The following TSPAN9 variants were observed in gnomAD, a reference collection of about 807,000 sequenced individuals.
TSPAN9 encodes tetraspanin-9.
TSPAN9 carries 16 observed loss-of-function variants against 31.0 expected under a neutral mutation model. That is an observed-to-expected ratio of 0.52 (90% CI 0.35 to 0.78). The LOEUF (loss-of-function observed/expected upper bound fraction) is 0.78, where lower values mean the gene tolerates loss of function less well. TSPAN9 is among the 30% of genes least tolerant of loss of function. The pLI, the probability that TSPAN9 is intolerant of heterozygous loss-of-function variation, is 0.01. For missense variants in TSPAN9, 272 were observed against 312.5 expected, an observed-to-expected ratio of 0.87 and a Z score of 0.98; for synonymous variants, 145 against 121.6, an observed-to-expected ratio of 1.19 and a Z score of -1.27.
intron 2 of TSPAN9, among the ~76,000 whole-genome samples, chr12:3,086,237 G>T (rs2098300373): frequency 6.6e-6 from 1 of 152,194 alleles, no homozygotes; most frequent in Non-Finnish European, 1.5e-5. Context: ...CTTCAGAATG[G>T]GAAGGAGATA....
At chr12:3,138,611 C>T (rs888482518) in intron 2 of TSPAN9, among the ~76,000 whole-genome samples, 12 of 149,946 alleles carry the variant, frequency 8.0e-5, no homozygotes, top group Non-Finnish European at 1.2e-4. Flanking sequence ...ACTATAGGCA[C>T]GTGCCACCAT....
chr12:3,088,919 A>G (rs2098302251), intron 2 of TSPAN9, among the ~76,000 whole-genome samples: 1 of 151,998 alleles, frequency 6.6e-6, no homozygotes, highest in Admixed American at 6.5e-5. Context: ...GTCTTTGAAC[A>G]GTGGAATGAC....
intron 2 of TSPAN9, among the ~76,000 whole-genome samples, chr12:3,109,303 AGAGAGTGT>A (rs1447606674): frequency 3.1e-5 from 1 of 32,316 alleles, no homozygotes; most frequent in Admixed American, 3.3e-4. Context: ...TGTGTGTGAG[AGAGAGTGT>A]GTGTGTGTGT....
At chr12:3,097,811 C>T (rs1393603350) in intron 2 of TSPAN9, among the ~76,000 whole-genome samples, 1 of 152,256 alleles carries the variant, frequency 6.6e-6, no homozygotes, top group Non-Finnish European at 1.5e-5. Flanking sequence ...CCTTCTCCCA[C>T]ATCAGGCTAG....
At chr12:3,092,032 G>T (rs985084307) in intron 2 of TSPAN9, among the ~76,000 whole-genome samples, 6 of 152,218 alleles carry the variant, frequency 3.9e-5, no homozygotes, top group Non-Finnish European at 2.9e-5. Flanking sequence ...ATGCAATGCT[G>T]ACTGTGCAAA....
chr12:3,133,806 C>T (rs919079250), intron 2 of TSPAN9, among the ~76,000 whole-genome samples: 13 of 152,018 alleles, frequency 8.6e-5, no homozygotes, highest in Non-Finnish European at 1.0e-4. Context: ...GGATGGATGA[C>T]GGGGAGGAGA....
intron 2 of TSPAN9, among the ~76,000 whole-genome samples, chr12:3,129,595 C>T (rs1336076683): frequency 6.6e-6 from 1 of 152,168 alleles, no homozygotes; most frequent in African/African-American, 2.4e-5. Context: ...TCAATTTGTC[C>T]ACTTATGAAA....
intron 2 of TSPAN9, among the ~76,000 whole-genome samples, chr12:3,161,955 A>G (rs1410971327): frequency 1.3e-5 from 2 of 152,106 alleles, no homozygotes; most frequent in Non-Finnish European, 2.9e-5. Flanking sequence ...TGTTGGGATT[A>G]CAGGCATGAG....
intron 3 of TSPAN9, among the ~76,000 whole-genome samples, chr12:3,205,409 C>G (rs757796643): frequency 4.6e-5 from 7 of 152,218 alleles, no homozygotes. Flanking sequence ...GGTCAGGGCC[C>G]TCGCAGACGC....
intron 2 of TSPAN9, among the ~76,000 whole-genome samples, chr12:3,153,720 CTCTG>C (rs1487981490): frequency 2.6e-4 from 40 of 151,784 alleles, no homozygotes; most frequent in Admixed American, 5.9e-4. Flanking sequence ...GTGGATGTAT[CTCTG>C]TCTGTTTCTC....
At chr12:3,080,019 C>T (rs2098297123) in intron 1 of TSPAN9, among the ~76,000 whole-genome samples, 1 of 150,776 alleles carries the variant, frequency 6.6e-6, no homozygotes, top group African/African-American at 2.4e-5. Context: ...GAACTCCTGG[C>T]CTCAAGCAAT....
intron 5 of TSPAN9, among the ~76,000 whole-genome samples, chr12:3,279,462 C>G (rs535258174): frequency 6.6e-6 from 1 of 152,336 alleles, no homozygotes; most frequent in African/African-American, 2.4e-5. Context: ...CCATGAAAAA[C>G]AAGGAGGAAC....
intron 2 of TSPAN9, among the ~76,000 whole-genome samples, chr12:3,095,217 C>A (rs1174447588): frequency 8.1e-6 from 1 of 122,934 alleles, no homozygotes; most frequent in Non-Finnish European, 1.7e-5. Context: ...GATCCCAAGG[C>A]AGAGGAATTT....
intron 2 of TSPAN9, among the ~76,000 whole-genome samples, chr12:3,169,319 T>G (rs1246425317): frequency 6.6e-6 from 1 of 152,132 alleles, no homozygotes; most frequent in Non-Finnish European, 1.5e-5. Flanking sequence ...AGCCCCTGCT[T>G]TAGAAGTCAG....
intron 2 of TSPAN9, among the ~76,000 whole-genome samples, chr12:3,161,763 T>A (rs1244351066): frequency 2.0e-5 from 3 of 151,182 alleles, no homozygotes; most frequent in South Asian, 2.1e-4. Context: ...TCTCCAAATC[T>A]TGGGTTGAAA....
chr12:3,125,961 G>A (rs996011092), intron 2 of TSPAN9, among the ~76,000 whole-genome samples: 2 of 152,146 alleles, frequency 1.3e-5, no homozygotes, highest in Non-Finnish European at 2.9e-5. Context: ...GGCCTTTGTG[G>A]CAATATTCCC....
intron 3 of TSPAN9, among the ~76,000 whole-genome samples, chr12:3,259,032 T>C (rs4766080): frequency 0.68 from 103,451 of 152,104 alleles, 36,009 homozygotes; most frequent in East Asian, 0.89. Flanking sequence ...CCCCAGCCAG[T>C]ATCCAGAAAG....
chr12:3,237,727 C>T (rs925982285), intron 3 of TSPAN9, among the ~76,000 whole-genome samples: 1 of 152,214 alleles, frequency 6.6e-6, no homozygotes, highest in Non-Finnish European at 1.5e-5. Flanking sequence ...TCCCCCTCCC[C>T]AGGCACAGAG....
chr12:3,116,703 C>G (rs1320121006), intron 2 of TSPAN9, among the ~76,000 whole-genome samples: 1 of 152,178 alleles, frequency 6.6e-6, no homozygotes, highest in African/African-American at 2.4e-5. Context: ...TCAGCCCTGC[C>G]TTTCCGGAGC....
Sources: gnomAD v4.1 joint callset for allele counts (sites outside exome capture counted in the v4.1 genomes callset) on GRCh38, gnomAD v4.1.1 for gene constraint, MANE v1.5 for transcripts, NCBI Gene and HGNC (gene_info 2026-07-23, HGNC 2026-07-21) for gene names.